The following UBR3 variants were observed in gnomAD, a reference collection of about 807,000 sequenced individuals.
The protein encoded by UBR3 is E3 ubiquitin-protein ligase UBR3.
UBR3 carries 85 observed loss-of-function variants against 243.2 expected under a neutral mutation model. The observed-to-expected ratio is 0.35, with a 90% CI of 0.29 to 0.42. UBR3 has a LOEUF of 0.42. Ranked by LOEUF, UBR3 falls within the 10% of genes least tolerant of loss-of-function variation. UBR3 has a pLI of 1.00. For missense variants in UBR3, 1,686 were observed against 2,300.8 expected, an observed-to-expected ratio of 0.73 and a Z score of 5.47; for synonymous variants, 748 against 799.8, an observed-to-expected ratio of 0.94 and a Z score of 1.09.
At chr2:169,914,895 A>C (rs2085399817) in intron 11 of UBR3, among the ~76,000 whole-genome samples, 1 of 151,460 alleles carries the variant, frequency 6.6e-6, no homozygotes, top group Non-Finnish European at 1.5e-5. Context: ...TCTGTTTAAA[A>C]AATTTTTGAC....
Position 169,926,678 on chromosome 2 carries a change from G to A in UBR3, c.2152-14G>A. ...TGAATATTGAGAAATAAAGCATTTTGTTTTCTTTTAAAGGTTTGTGCTTCT... is the reference window on the plus strand; with the variant it reads ...TGAATATTGAGAAATAAAGCATTTTATTTTCTTTTAAAGGTTTGTGCTTCT... On this transcript the variant is annotated splice_polypyrimidine_tract_variant and intron_variant, in intron 14 of 38. Coordinates refer to ENST00000272793, the MANE Select transcript of UBR3 (RefSeq NM_172070.4). 2 of 1,533,512 alleles carry A rather than the reference G, an allele frequency of 1.3e-6. No homozygotes were observed. The highest frequency in any genetic ancestry group is 1.8e-6 in the Non-Finnish European group (2 of 1,139,802). The allele number at this position is 1,533,512 out of a possible 1,614,324, so 95.0% of individuals were successfully genotyped here.
At chr2:170,048,125 A>G (rs1000791698) in intron 32 of UBR3, among the ~76,000 whole-genome samples, 2 of 152,130 alleles carry the variant, frequency 1.3e-5, no homozygotes, top group African/African-American at 4.8e-5. Flanking sequence ...TTGATAAGGG[A>G]GGGGCACACT....
At chr2:169,890,565 G>GTGTATATATA (rs2084317880) in intron 5 of UBR3, among the ~76,000 whole-genome samples, 11 of 71,220 alleles carry the variant, frequency 1.5e-4, no homozygotes, top group African/African-American at 8.0e-4. Context: ...ATATATATAT[G>GTGTATATATA]TGTATATATA....
At chr2:169,844,628 G>A (rs1559011098) in intron 1 of UBR3, among the ~76,000 whole-genome samples, 1 of 151,608 alleles carries the variant, frequency 6.6e-6, no homozygotes, top group Non-Finnish European at 1.5e-5. Context: ...CCAGTAGCTG[G>A]AACTACAGGT....
chr2:169,937,763 G>C (rs1162407872), intron 19 of UBR3, among the ~76,000 whole-genome samples: 2 of 152,166 alleles, frequency 1.3e-5, no homozygotes, highest in East Asian at 3.9e-4. Context: ...AAGAGTTCTT[G>C]AGTGCATTGG....
Position 170,066,966 on chromosome 2 carries a change from A to AAATAATAATAATAATAATAAT in UBR3, c.5019+5532_5019+5552dup, listed in dbSNP as rs6147024. ...GCGACAGAGCGAGACTCCGTCTCTA[A>AAATAATAATAATAATAATAAT]AATAATAATAATAATAATAATAATA... is the stretch of plus-strand genomic sequence containing the variant. On this transcript the variant is annotated intron_variant, in intron 35 of 38. Transcript: ENST00000272793. 2.9e-3 allele frequency among the ~76,000 whole-genome samples: 299 copies of AAATAATAATAATAATAATAAT among 102,550 alleles called. 1 individual carries two copies. Among genetic ancestry groups the AAATAATAATAATAATAATAAT allele is most frequent in the South Asian group, 7.9e-3 (26 of 3,282 alleles). 67.3% of individuals were successfully genotyped at this position (102,550 alleles called of 152,430 possible). A position where few individuals can be genotyped will look rare whatever the true frequency, so the allele number is the denominator to read the frequency against.
rs974057024 is a variant in UBR3 at position 169,967,972 on chromosome 2, G to A, written c.3634+9446G>A. Among the ~76,000 whole-genome samples, 4 of 151,728 alleles carry A rather than the reference G, an allele frequency of 2.6e-5. No individual in the cohort carries two copies. The East Asian group carries it at 7.7e-4, about 29-fold the overall frequency. On this transcript the variant is annotated intron_variant, in intron 24 of 38. Coordinates refer to ENST00000272793, the MANE Select transcript of UBR3 (RefSeq NM_172070.4). ...TATACCTTTCTTAGGTAACACATAT[G>A]TACACTTTCCCTACCTTGCTTTTTC...
intron 31 of UBR3, among the ~76,000 whole-genome samples, chr2:170,038,005 T>C (rs1173232633): frequency 2.6e-5 from 4 of 152,204 alleles, no homozygotes; most frequent in South Asian, 2.1e-4. Flanking sequence ...GCTTGTATTG[T>C]AGAAAATAGC....
chr2:170,051,024 A>G (rs1374999384), intron 32 of UBR3, among the ~76,000 whole-genome samples: 1 of 152,138 alleles, frequency 6.6e-6, no homozygotes, highest in Non-Finnish European at 1.5e-5. Context: ...TCATCTCTAG[A>G]TTACTTAGTA....
rs548350854 is a variant in UBR3, at chr2:170,018,885, A to G, written c.4453+3519A>G. The stretch of plus-strand genomic sequence containing the variant: ...GATTTGAAAGTAAATATGACACTCC[A>G]TAAATTCTAGTGAAGTTCACATTCT... On this transcript the variant is annotated intron_variant, in intron 30 of 38. Transcript: ENST00000272793. 1.7e-3 allele frequency among the ~76,000 whole-genome samples: 257 copies of G among 152,348 alleles called. 1 individual carries two copies. Among genetic ancestry groups the G allele is most frequent in the Middle Eastern group, 3.4e-3 (1 of 294 alleles).
intron 32 of UBR3, among the ~76,000 whole-genome samples, chr2:170,048,123 G>C (rs575767746): frequency 6.6e-6 from 1 of 152,160 alleles, no homozygotes; most frequent in African/African-American, 2.4e-5. Context: ...GGTTGATAAG[G>C]GAGGGGCACA....
chr2:169,832,268 T>TG (rs2081963749), intron 1 of UBR3, among the ~76,000 whole-genome samples: 1 of 152,154 alleles, frequency 6.6e-6, no homozygotes, highest in African/African-American at 2.4e-5. Flanking sequence ...TAACTGTATG[T>TG]GGCTGGGCGC....
At chr2:169,951,758 G>C (rs1433400456) in intron 23 of UBR3, among the ~76,000 whole-genome samples, 4 of 151,992 alleles carry the variant, frequency 2.6e-5, no homozygotes, top group Admixed American at 2.6e-4. Flanking sequence ...GGGCAGGTGT[G>C]GTAAGGGTCT....
chr2:170,030,792 C>G (rs993956451), intron 31 of UBR3, among the ~76,000 whole-genome samples: 2 of 151,764 alleles, frequency 1.3e-5, no homozygotes, highest in African/African-American at 2.4e-5. Flanking sequence ...TGCTTTTTTC[C>G]CCCTTGACTT....
chr2:169,958,691 CTT>C (rs72012594), intron 24 of UBR3, among the ~76,000 whole-genome samples, 165 bp downstream of exon 24: 26,897 of 152,026 alleles, frequency 0.18, 2,627 homozygotes, highest in East Asian at 0.37. Context: ...TTATTATAGA[CTT>C]TTATTATATT....
chr2:169,871,462 A>G (rs190195022), intron 1 of UBR3, among the ~76,000 whole-genome samples: 9 of 151,916 alleles, frequency 5.9e-5, no homozygotes, highest in East Asian at 3.9e-4. Flanking sequence ...AAGCATACCA[A>G]TCATACTTAA....
Position 169,827,615 on chromosome 2 carries a change from G to A in UBR3, c.108G>A (p.Lys36=). The change falls in exon 1 of 39, where the codon AAG becomes AAA. Residue 36 remains lysine, a synonymous_variant. Transcript: ENST00000272793. ...LDKAATAAHL[K]AALSRPDNRA... ...AGGCGGCCACCGCCGCGCACCTCAA[G>A]GCGGCCCTCAGCCGGCCGGACAACC... is the stretch of plus-strand genomic sequence containing the variant. 3.9e-6 allele frequency: 5 copies of A among 1,270,610 alleles called. No individual in the cohort carries two copies. The highest frequency in any genetic ancestry group is 5.0e-6 in the Non-Finnish European group (5 of 1,008,308). The allele number at this position is 1,270,610 out of a possible 1,614,324, so 78.7% of individuals were successfully genotyped here. A position where few individuals can be genotyped will look rare whatever the true frequency, so the allele number is the denominator to read the frequency against.
intron 27 of UBR3, among the ~76,000 whole-genome samples, chr2:170,004,738 C>T (rs2089845726): frequency 6.6e-6 from 1 of 151,888 alleles, no homozygotes; most frequent in South Asian, 2.1e-4. Flanking sequence ...TGGCGAAACC[C>T]CATCTATACT....
chr2:169,954,765 G>A (rs2087201210), intron 23 of UBR3, among the ~76,000 whole-genome samples: 1 of 151,662 alleles, frequency 6.6e-6, no homozygotes, highest in Non-Finnish European at 1.5e-5. Flanking sequence ...AGTAGAGACA[G>A]GGTTTCACCA....
Sources: allele counts gnomAD v4.1 joint callset (sites outside exome capture counted in the v4.1 genomes callset), GRCh38; gene constraint gnomAD v4.1.1; transcripts MANE v1.5; gene names NCBI Gene and HGNC (gene_info 2026-07-23, HGNC 2026-07-21).